Variants in SLC12A6 observed in about 807,000 individuals in gnomAD.
SLC12A6 encodes K-Cl cotransporter 3.
In SLC12A6, 66 loss-of-function variants were observed where a neutral mutation model predicts 135.3. That is an observed-to-expected ratio of 0.49 (90% confidence interval 0.40 to 0.60). The LOEUF (loss-of-function observed/expected upper bound fraction) is 0.60. Among genes scored for constraint, SLC12A6 ranks in the 20% least tolerant of loss-of-function variants. The probability of loss-of-function intolerance (pLI) is 0.00; values close to 1 mark genes in which losing one functional copy is unlikely to be tolerated. For missense variants in SLC12A6, 1,058 were observed against 1,452.3 expected (o/e 0.73, Z 4.41); for synonymous variants, 513 against 508.8 (o/e 1.01, Z -0.11).
chr15:34,235,112 T>C, intron 25 of SLC12A6, 69 bp downstream of exon 25: 2 of 1,373,976 alleles, frequency 1.5e-6, no homozygotes, highest in Non-Finnish European at 2.1e-6. Flanking sequence ...CTTTTATTGT[T>C]ACCTAGTTAT....
chr15:34,327,593 G>T (rs1026514055), intron 2 of SLC12A6, among the ~76,000 whole-genome samples: 1 of 152,080 alleles, frequency 6.6e-6, no homozygotes, highest in Admixed American at 6.5e-5. Context: ...GTGAGGCGGA[G>T]GCTGCAGTGA....
chr15:34,296,865 G>C (rs1895909961), intron 2 of SLC12A6, among the ~76,000 whole-genome samples: 1 of 152,054 alleles, frequency 6.6e-6, no homozygotes, highest in Non-Finnish European at 1.5e-5. Context: ...TAGAAAAGTA[G>C]ATATGCTTCT....
At chr15:34,334,945 C>G (rs1277444392) in intron 2 of SLC12A6, among the ~76,000 whole-genome samples, 1 of 152,104 alleles carries the variant, frequency 6.6e-6, no homozygotes, top group East Asian at 1.9e-4. Context: ...AATAAAAATA[C>G]AATTCTGTAA....
At chr15:34,260,356 G>T (rs7176618) in intron 4 of SLC12A6, among the ~76,000 whole-genome samples, 143,430 of 152,206 alleles carry the variant, frequency 0.94, 68,168 homozygotes, top group East Asian at 1. Context: ...CCTCCCGGGT[G>T]CATGCCATTC....
At chr15:34,260,307 G>C (rs1893027258) in intron 4 of SLC12A6, among the ~76,000 whole-genome samples, 5 of 152,208 alleles carry the variant, frequency 3.3e-5, no homozygotes, top group Admixed American at 2.6e-4. Context: ...CGCCCAGGCT[G>C]GAGTGCAGTG....
chr15:34,287,227 G>A (rs1320388048), intron 2 of SLC12A6, among the ~76,000 whole-genome samples: 1 of 152,156 alleles, frequency 6.6e-6, no homozygotes, highest in South Asian at 2.1e-4. Flanking sequence ...GTGAGAACAT[G>A]TGGTGTTTGG....
intron 2 of SLC12A6, among the ~76,000 whole-genome samples, chr15:34,284,148 C>T (rs889006134): frequency 3.9e-5 from 6 of 152,012 alleles, no homozygotes; most frequent in African/African-American, 7.2e-5. Context: ...ACTGAAGAAA[C>T]CACAGAAAGA....
At chr15:34,311,044 T>C (rs1264171523) in intron 2 of SLC12A6, among the ~76,000 whole-genome samples, 1 of 152,188 alleles carries the variant, frequency 6.6e-6, no homozygotes, top group Non-Finnish European at 1.5e-5. Flanking sequence ...TAGTTTGCTC[T>C]CCTACCATTT....
chr15:34,250,209 TGA>T (rs1566811124), intron 13 of SLC12A6, 87 bp downstream of exon 13: 3 of 853,310 alleles, frequency 3.5e-6, no homozygotes, highest in Non-Finnish European at 4.1e-6. Flanking sequence ...CTGGCTGTGT[TGA>T]GTCTGTAACT....
rs1461214811 is a variant in SLC12A6, at chr15:34,239,174, AG to A, written c.2437-15del. ...GTGCTTTATGGTCTGAAAGAGACAC[AG>A]GACCGCAACACTGAACTGGTTCACT... On this transcript the variant is annotated splice_polypyrimidine_tract_variant and intron_variant, in intron 19 of 25. Coordinates refer to ENST00000354181, the MANE Select transcript of SLC12A6 (RefSeq NM_001365088.1). The A allele has an allele frequency of 6.3e-7, 1 of 1,589,232 alleles. No individual in the cohort carries two copies.
chr15:34,236,529 A>C (rs1182319366), intron 23 of SLC12A6, among the ~76,000 whole-genome samples, 179 bp downstream of exon 23: 3 of 152,164 alleles, frequency 2.0e-5, no homozygotes, highest in Non-Finnish European at 1.5e-5. Flanking sequence ...ACTTTAGTAC[A>C]GATGGGGTTT....
At chr15:34,286,330 C>T (rs937098507) in intron 2 of SLC12A6, among the ~76,000 whole-genome samples, 1 of 151,816 alleles carries the variant, frequency 6.6e-6, no homozygotes, top group Non-Finnish European at 1.5e-5. Flanking sequence ...CCCACCTCAG[C>T]CTCCCAAAGT....
intron 2 of SLC12A6, among the ~76,000 whole-genome samples, chr15:34,283,620 A>C (rs1055691635): frequency 6.6e-6 from 1 of 152,186 alleles, no homozygotes; most frequent in African/African-American, 2.4e-5. Flanking sequence ...AATGTAGCTA[A>C]AGCATAGTGA....
chr15:34,285,842 C>T (rs1383531620), intron 2 of SLC12A6, among the ~76,000 whole-genome samples: 1 of 151,864 alleles, frequency 6.6e-6, no homozygotes, highest in African/African-American at 2.4e-5. Context: ...AAGGCAAATA[C>T]CATATGATTC....
At chr15:34,317,593 C>T (rs989460280) in intron 2 of SLC12A6, among the ~76,000 whole-genome samples, 2 of 152,126 alleles carry the variant, frequency 1.3e-5, no homozygotes, top group African/African-American at 2.4e-5. Flanking sequence ...ATCCCAGCTA[C>T]TCGGGAGGCT....
rs1188426108 is a variant in SLC12A6, at chr15:34,336,488, C to T, written c.193G>A (p.Gly65Arg). The T allele has an allele frequency of 1.2e-6, 2 of 1,613,818 alleles. No individual in the cohort carries two copies. The highest frequency in any genetic ancestry group is 1.7e-6 in the Non-Finnish European group (2 of 1,179,754). ...SRSEPMSEMS[G>R]ATTSLATVAL... ...ACAGTTGCCAGCGAAGTGGTGGCCC[C>T]AGACATCTCACTCATAGGCTCACTC... is the stretch of plus-strand genomic sequence containing the variant. Residue 65 changes from glycine (G) to arginine (R), a missense_variant, in exon 2 of 26, where the codon GGG (glycine) becomes AGG (arginine). Gly to Arg is a moderately radical substitution (Grantham distance 125). Transcript: ENST00000354181.
Position 34,294,880 on chromosome 15 carries a change from A to G in SLC12A6, c.272-19491T>C, listed in dbSNP as rs1845741998. ...TTAAATAAGTGTTTAATGACCTGCT[A>G]AATAATCCACGTTAGCTTTTATAGA... On this transcript the variant is annotated intron_variant, in intron 2 of 25. Transcript: ENST00000354181. Among the ~76,000 whole-genome samples the G allele has an allele frequency of 2.0e-5, 3 of 152,206 alleles. No individual in the cohort carries two copies. The South Asian group carries it at 6.2e-4, about 31-fold the overall frequency.
At chr15:34,312,756 C>T (rs1888350742) in intron 2 of SLC12A6, among the ~76,000 whole-genome samples, 3 of 152,172 alleles carry the variant, frequency 2.0e-5, no homozygotes, top group South Asian at 2.1e-4. Context: ...CTGTGGCAAC[C>T]CTATGTCAAG....
chr15:34,315,947 A>G (rs1888618313), intron 2 of SLC12A6, among the ~76,000 whole-genome samples: 2 of 152,150 alleles, frequency 1.3e-5, no homozygotes, highest in South Asian at 4.1e-4. Context: ...CAAAAAAACA[A>G]AACAAAACAA....
Sources: allele counts gnomAD v4.1 joint callset (sites outside exome capture counted in the v4.1 genomes callset), GRCh38; gene constraint gnomAD v4.1.1; transcripts MANE v1.5; gene names NCBI Gene and HGNC (gene_info 2026-07-23, HGNC 2026-07-21).